TFB1M: variants seen among roughly 807,000 people sequenced by gnomAD.
TFB1M encodes the protein dimethyladenosine transferase 1, mitochondrial.
TFB1M carries 27 observed loss-of-function variants against 31.1 expected under a neutral mutation model. That is an observed-to-expected ratio of 0.87 (90% CI 0.64 to 1.20). The LOEUF (loss-of-function observed/expected upper bound fraction) is 1.20, where lower values mean the gene tolerates loss of function less well. Ranked by LOEUF, TFB1M falls within the 50% of genes most tolerant of loss-of-function variation. The pLI is 0.00. For synonymous variants in TFB1M, 166 were observed against 151.8 expected, an observed-to-expected ratio of 1.09 and a Z score of -0.69; for missense variants, 394 against 418.7, an observed-to-expected ratio of 0.94 and a Z score of 0.51.
chr6:155,250,646 C>G, the TFB1M span: 1 of 1,533,386 alleles, frequency 6.5e-7, no homozygotes, highest in South Asian at 1.2e-5. Context: ...CTTATGGAAA[C>G]TGAGTTGGTC....
chr6:155,239,230 G>GT, the TFB1M span, among the ~76,000 whole-genome samples: 1 of 152,216 alleles, frequency 6.6e-6, no homozygotes, highest in Non-Finnish European at 1.5e-5. Flanking sequence ...AAAAAGGAGA[G>GT]TTTTTTAGTT....
intron 5 of TFB1M, among the ~76,000 whole-genome samples, chr6:155,272,126 C>T (rs1293440275): frequency 2.0e-5 from 3 of 152,048 alleles, no homozygotes; most frequent in Non-Finnish European, 2.9e-5. Flanking sequence ...TTTTCTTCAC[C>T]ATAACTAACT....
chr6:155,255,429 T>C (rs1226738667), downstream of TFB1M: 1 of 152,206 alleles, frequency 6.6e-6, no homozygotes. Context: ...TTCTTGTTTT[T>C]AGGCTTAGAA....
the TFB1M span, among the ~76,000 whole-genome samples, chr6:155,235,863 G>A: frequency 1.1e-4 from 16 of 152,234 alleles, no homozygotes; most frequent in East Asian, 2.3e-3. Context: ...GTAAGATCTC[G>A]TTACTTTAAC....
chr6:155,232,885 A>G, the TFB1M span: 1 of 152,342 alleles, frequency 6.6e-6, no homozygotes, highest in East Asian at 1.9e-4. Context: ...TGTAGTACAC[A>G]CTGCAAATGC....
intron 5 of TFB1M, among the ~76,000 whole-genome samples, chr6:155,266,625 T>C (rs1182569839): frequency 6.6e-6 from 1 of 151,754 alleles, no homozygotes; most frequent in Non-Finnish European, 1.5e-5. Flanking sequence ...AGCGGGCGAA[T>C]CATGAGGTCA....
the TFB1M span, chr6:155,250,400 G>T: frequency 1.8e-6 from 1 of 560,996 alleles, no homozygotes. Context: ...TTATCTGATT[G>T]CTTAATTTAG....
the TFB1M span, chr6:155,240,740 T>C: frequency 6.3e-7 from 1 of 1,588,110 alleles, no homozygotes. Flanking sequence ...TATGCATTCG[T>C]GCCTCTTTGA....
At chr6:155,249,647 T>G in the TFB1M span, among the ~76,000 whole-genome samples, 1 of 152,278 alleles carries the variant, frequency 6.6e-6, no homozygotes, top group Non-Finnish European at 1.5e-5. Context: ...CAAAAAGAAT[T>G]TGAAGTAGGA....
the TFB1M span, among the ~76,000 whole-genome samples, chr6:155,237,594 C>CAT: frequency 4.4e-4 from 67 of 152,358 alleles, no homozygotes; most frequent in African/African-American, 1.5e-3. Context: ...CAGGCATTTC[C>CAT]ATACATTCTC....
At chr6:155,251,966 T>C, downstream of TFB1M, 2 of 1,603,612 alleles carry the variant, frequency 1.2e-6, no homozygotes, top group Non-Finnish European at 1.7e-6. Context: ...GCCGTCATAC[T>C]GGTTTATAAA....
At chr6:155,254,470 GGA>G, downstream of TFB1M, 1 of 1,614,134 alleles carries the variant, frequency 6.2e-7, no homozygotes, top group Non-Finnish European at 8.5e-7. Context: ...CTATTCTGAG[GGA>G]GAACTTCAGG....
intron 2 of TFB1M, chr6:155,299,513 G>A (rs1038223479): frequency 6.6e-6 from 1 of 152,090 alleles, no homozygotes; most frequent in African/African-American, 2.4e-5. Context: ...TACTTAAAAG[G>A]CAGGAGTGAA....
chr6:155,268,171 A>G (rs1038563370), intron 5 of TFB1M, among the ~76,000 whole-genome samples: 2 of 152,104 alleles, frequency 1.3e-5, no homozygotes, highest in African/African-American at 2.4e-5. Flanking sequence ...AATCGCTCCC[A>G]TTACCACAGC....
chr6:155,290,247 G>C (rs910547683), intron 4 of TFB1M, among the ~76,000 whole-genome samples: 1 of 151,908 alleles, frequency 6.6e-6, no homozygotes, highest in Non-Finnish European at 1.5e-5. Context: ...TTAGCCAGGC[G>C]TGGTGGTGGG....
downstream of TFB1M, chr6:155,254,382 TG>T: frequency 6.2e-7 from 1 of 1,603,250 alleles, no homozygotes; most frequent in Non-Finnish European, 8.5e-7. Flanking sequence ...ATGAACACTG[TG>T]GACACTTCTG....
intron 5 of TFB1M, chr6:155,276,269 T>A (rs1297933768): frequency 1.2e-6 from 2 of 1,613,974 alleles, no homozygotes; most frequent in South Asian, 2.2e-5. Flanking sequence ...TTTCTGCACC[T>A]CCTGTATAAA....
At chr6:155,276,604 A>C in intron 5 of TFB1M, 1 of 455,342 alleles carries the variant, frequency 2.2e-6, no homozygotes, top group Non-Finnish European at 3.8e-6. Flanking sequence ...TTTTACTTAA[A>C]GATTTATAAT....
At chr6:155,237,436 A>T in the TFB1M span, among the ~76,000 whole-genome samples, 1 of 152,168 alleles carries the variant, frequency 6.6e-6, no homozygotes, top group Non-Finnish European at 1.5e-5. Context: ...GCTCTGGAGG[A>T]TGGTGGCCCT....
Sources: gnomAD v4.1 joint callset for allele counts (sites outside exome capture counted in the v4.1 genomes callset) on GRCh38, gnomAD v4.1.1 for gene constraint, MANE v1.5 for transcripts, NCBI Gene and HGNC (gene_info 2026-07-23, HGNC 2026-07-21) for gene names.